The following BRCA1 variants were observed in gnomAD, a reference collection of about 807,000 sequenced individuals.
BRCA1 encodes breast cancer type 1 susceptibility protein.
Under a neutral mutation model 173.7 loss-of-function variants are expected in BRCA1, and 140 were observed. The ratio of observed to expected loss-of-function variants is 0.81; its 90% confidence interval spans 0.70 to 0.93. The LOEUF is 0.93. BRCA1 is among the 40% of genes least tolerant of loss of function. The pLI, the probability that BRCA1 is intolerant of heterozygous loss-of-function variation, is 0.00. For synonymous variants in BRCA1, 662 were observed against 756.0 expected, an observed-to-expected ratio of 0.88 and a Z score of 2.04; for missense variants, 1,983 against 2,172.5, an observed-to-expected ratio of 0.91 and a Z score of 1.73.
intron 2 of BRCA1, among the ~76,000 whole-genome samples, chr17:43,121,884 C>G (rs904878052): frequency 2.6e-5 from 4 of 152,146 alleles, no homozygotes; most frequent in African/African-American, 7.2e-5. Context: ...TTTTATGACT[C>G]TCTCCCATGG....
chr17:43,138,877 T>G (rs767320211), intron 1 of BRCA1: 1 of 778,874 alleles, frequency 1.3e-6, no homozygotes, highest in Admixed American at 1.7e-5. Flanking sequence ...TCAGCAGCGG[T>G]GTCCCAAGTT....
At chr17:43,168,269 C>A (rs114590068) in intron 1 of BRCA1, 3 of 395,696 alleles carry the variant, frequency 7.6e-6, no homozygotes, top group South Asian at 5.7e-5. Flanking sequence ...TTCCAATGAA[C>A]TTTAACACAT....
intron 1 of BRCA1, among the ~76,000 whole-genome samples, chr17:43,134,061 A>G (rs1211715739): frequency 3.9e-5 from 6 of 152,150 alleles, no homozygotes; most frequent in East Asian, 3.9e-4. Context: ...ACTCACCTAG[A>G]AAGCTCACAT....
intron 19 of BRCA1, among the ~76,000 whole-genome samples, chr17:43,051,643 T>TC (rs1475062141): frequency 1.3e-5 from 2 of 151,762 alleles, no homozygotes; most frequent in African/African-American, 4.8e-5. Context: ...TCTGACTTTT[T>TC]TTTTTTTTTT....
intron 1 of BRCA1, among the ~76,000 whole-genome samples, chr17:43,151,087 G>A (rs2056158464): frequency 6.6e-6 from 1 of 152,188 alleles, no homozygotes; most frequent in African/African-American, 2.4e-5. Context: ...TGTAAGAGCT[G>A]GTGGGGGCAA....
chr17:43,071,461 T>C (rs2052441356), intron 14 of BRCA1, among the ~76,000 whole-genome samples: 1 of 152,178 alleles, frequency 6.6e-6, no homozygotes, highest in South Asian at 2.1e-4. Flanking sequence ...CAGTCAACAA[T>C]GCTAGTTTTA....
At chr17:43,128,459 G>A (rs1210045018), upstream of BRCA1, among the ~76,000 whole-genome samples, 1 of 152,090 alleles carries the variant, frequency 6.6e-6, no homozygotes, top group African/African-American at 2.4e-5. Flanking sequence ...TCACCGTGAG[G>A]GTCCGCAACT....
chr17:43,114,308 C>T (rs751937881), intron 3 of BRCA1, among the ~76,000 whole-genome samples: 1 of 151,894 alleles, frequency 6.6e-6, no homozygotes, highest in Non-Finnish European at 1.5e-5. Context: ...ACAGTTCATT[C>T]CAGAAAGATT....
At chr17:43,059,710 C>G (rs1028807634) in intron 18 of BRCA1, among the ~76,000 whole-genome samples, 16 of 152,268 alleles carry the variant, frequency 1.1e-4, no homozygotes, top group Middle Eastern at 3.4e-3. Flanking sequence ...AGCAAGTCCT[C>G]TCTTCAAACC....
intron 17 of BRCA1, 63 bp downstream of exon 17, chr17:43,063,811 T>A: frequency 1.5e-6 from 2 of 1,365,928 alleles, no homozygotes; most frequent in Non-Finnish European, 2.1e-6. Flanking sequence ...TGTTAAACGT[T>A]AGGTGTAAAA....
At chr17:43,077,611 G>A (rs1488026657) in intron 12 of BRCA1, among the ~76,000 whole-genome samples, 1 of 152,148 alleles carries the variant, frequency 6.6e-6, no homozygotes, top group Non-Finnish European at 1.5e-5. Context: ...GGGGATTACA[G>A]ACATGAGCCA....
intron 11 of BRCA1, among the ~76,000 whole-genome samples, chr17:43,085,314 C>G (rs764142982): frequency 4.0e-5 from 6 of 151,708 alleles, no homozygotes; most frequent in Non-Finnish European, 7.4e-5. Flanking sequence ...GAGCTGAGAT[C>G]GTGCCACGGC....
At chr17:43,134,238 C>T (rs935078521) in intron 1 of BRCA1, among the ~76,000 whole-genome samples, 4 of 152,166 alleles carry the variant, frequency 2.6e-5, no homozygotes, top group African/African-American at 7.2e-5. Context: ...ACATGCATTT[C>T]CCTCTCCTCC....
At chr17:43,117,319 G>A (rs533769150) in intron 2 of BRCA1, among the ~76,000 whole-genome samples, 71 of 152,244 alleles carry the variant, frequency 4.7e-4, no homozygotes, top group African/African-American at 1.7e-3. Context: ...GCGCATGCCT[G>A]TGGTCTCAGC....
chr17:43,144,801 A>T (rs556560368), intron 1 of BRCA1: 2 of 394,140 alleles, frequency 5.1e-6, no homozygotes, highest in Admixed American at 3.5e-5. Flanking sequence ...CAGGTGGTTC[A>T]TCTAAGGTCT....
In BRCA1 at chr17:43,072,287, G is replaced by A. The variant is rs1483243723; in HGVS notation, c.4676-1049C>T. 2.6e-5 allele frequency among the ~76,000 whole-genome samples: 4 copies of A among 151,834 alleles called. 1 individual carries two copies. The highest frequency in any genetic ancestry group is 9.7e-5 in the African/African-American group (4 of 41,256). On this transcript the variant is annotated intron_variant, in intron 14 of 22. Transcript: ENST00000357654. ...GCCTGTAATCCCAGCTACTGGGGAG[G>A]CTGAAGCAGGAGAATCGCTCGAACC... is the stretch of plus-strand genomic sequence containing the variant.
At chr17:43,118,769 T>TA (rs2055412677) in intron 2 of BRCA1, among the ~76,000 whole-genome samples, 1 of 151,098 alleles carries the variant, frequency 6.6e-6, no homozygotes, top group Admixed American at 6.6e-5. Flanking sequence ...ACCTTTTTTT[T>TA]TTTTTTTGGA....
At chr17:43,136,813 A>G (rs1330199746) in intron 1 of BRCA1, among the ~76,000 whole-genome samples, 1 of 152,212 alleles carries the variant, frequency 6.6e-6, no homozygotes, top group African/African-American at 2.4e-5. Context: ...AGAAATAGGA[A>G]CGCTTTTACG....
rs902005925 is a variant in BRCA1, at chr17:43,168,151, C to T, written c.-20+1975G>A. ...ATCATATAGGAATCCCAAATTAATA[C>T]CCTCTTCTGGTGACTTACCAGATTG... is the stretch of plus-strand genomic sequence containing the variant. On this transcript the variant is annotated intron_variant, in intron 1 of 7. Coordinates refer to the BRCA1 transcript ENST00000634433. 1.7e-5 allele frequency: 6 copies of T among 355,528 alleles called. No homozygotes were observed. In the Admixed American group the frequency reaches 2.4e-4, roughly 14 times the overall value. 22.0% of individuals were successfully genotyped at this position (355,528 alleles called of 1,614,324 possible). A position where few individuals can be genotyped will look rare whatever the true frequency, so the allele number is the denominator to read the frequency against.
Sources: gnomAD v4.1 joint callset for allele counts (sites outside exome capture counted in the v4.1 genomes callset) on GRCh38, gnomAD v4.1.1 for gene constraint, MANE v1.5 for transcripts, NCBI Gene and HGNC (gene_info 2026-07-23, HGNC 2026-07-21) for gene names.